The following PREX1 variants were observed in gnomAD, a reference collection of about 807,000 sequenced individuals.
PREX1 encodes phosphatidylinositol-3,4,5-trisphosphate dependent Rac exchange factor 1.
In PREX1, 41 loss-of-function variants were observed where a neutral mutation model predicts 198.3. The observed-to-expected ratio is 0.21, with a 90% CI of 0.16 to 0.27. The LOEUF is 0.27. Ranked by LOEUF, PREX1 falls within the 10% of genes least tolerant of loss-of-function variation. The pLI is 1.00. For synonymous variants in PREX1, 843 were observed against 887.2 expected, an observed-to-expected ratio of 0.95 and a Z score of 0.89; for missense variants, 1,620 against 2,200.7, an observed-to-expected ratio of 0.74 and a Z score of 5.28.
intron 1 of PREX1, among the ~76,000 whole-genome samples, chr20:48,790,095 C>T (rs891760157): frequency 2.0e-5 from 3 of 152,152 alleles, no homozygotes; most frequent in African/African-American, 7.2e-5. Context: ...AGCCTTTCCT[C>T]GCTGAGGAAC....
intron 1 of PREX1, among the ~76,000 whole-genome samples, chr20:48,805,270 G>C (rs2090406746): frequency 6.6e-6 from 1 of 152,212 alleles, no homozygotes; most frequent in South Asian, 2.1e-4. Flanking sequence ...GGTAGGGCAG[G>C]AATTAGCATT....
At chr20:48,648,078 T>C (rs1324428516) in intron 25 of PREX1, among the ~76,000 whole-genome samples, 1 of 149,778 alleles carries the variant, frequency 6.7e-6, no homozygotes, top group Non-Finnish European at 1.5e-5. Context: ...AATTTTAGGA[T>C]TTTTTTTTTA....
chr20:48,755,253 C>G (rs2090151586), intron 1 of PREX1, among the ~76,000 whole-genome samples: 1 of 152,286 alleles, frequency 6.6e-6, no homozygotes, highest in Admixed American at 6.5e-5. Flanking sequence ...TAAATTCTCT[C>G]TCCCTAGGCA....
intron 19 of PREX1, 149 bp from the exon 20 acceptor site, chr20:48,653,646 T>C: frequency 1.1e-6 from 1 of 950,366 alleles, no homozygotes; most frequent in East Asian, 2.6e-5. Context: ...CCTCTGACAC[T>C]CCAGTGCAAA....
intron 1 of PREX1, among the ~76,000 whole-genome samples, chr20:48,774,757 C>T (rs1601128111): frequency 6.6e-6 from 1 of 152,276 alleles, no homozygotes; most frequent in Non-Finnish European, 1.5e-5. Flanking sequence ...GCTGAAACCA[C>T]TGGCTGAGGC....
At chr20:48,837,764 CTG>C in the PREX1 span, among the ~76,000 whole-genome samples, 22 of 152,036 alleles carry the variant, frequency 1.4e-4, no homozygotes, top group East Asian at 3.7e-3. Context: ...CAACACACCC[CTG>C]TGACACAAGT....
Position 48,657,154 on chromosome 20 carries a change from G to A in PREX1, c.2009C>T (p.Ser670Phe). 1.2e-6 allele frequency: 2 copies of A among 1,613,660 alleles called. No homozygotes were observed. Among genetic ancestry groups the A allele is most frequent in the Non-Finnish European group, 1.7e-6 (2 of 1,179,854 alleles). Residue 670 changes from serine (S) to phenylalanine (F), a missense_variant, in exon 18 of 40, where the codon TCC becomes TTC. By Grantham distance (155) the Ser-to-Phe change is radical (BLOSUM62 -2). Transcript: ENST00000371941. Reference protein sequence around the residue: ...AGLQVGRKIYSINEDLVFLRP... With the variant: ...AGLQVGRKIYFINEDLVFLRP... ...CAGGAACACCAGGTCCTCATTGATGGAGTAGATCTTCCTCCCCACCTGCAG... is the reference window on the plus strand; with the variant it reads ...CAGGAACACCAGGTCCTCATTGATGAAGTAGATCTTCCTCCCCACCTGCAG...
At position 48,637,713 on chromosome 20, in the gene PREX1, G is replaced by C; in HGVS notation, c.3944C>G (p.Thr1315Arg). ...NQLLLALLKC[T>R]DTELQLRRDA... ...CCACACACCTTTAAAGGCCTCACCTGTGCACTTCAGCAAGGCCAGGAGCAG... is the reference window on the plus strand; with the variant it reads ...CCACACACCTTTAAAGGCCTCACCTCTGCACTTCAGCAAGGCCAGGAGCAG... The change falls in exon 31 of 40, where the codon ACA becomes AGA. Residue 1315 changes from threonine (T) to arginine (R), a missense_variant and splice_region_variant. By Grantham distance (71) the Thr-to-Arg change is moderately conservative. Coordinates refer to ENST00000371941, the MANE Select transcript of PREX1 (RefSeq NM_020820.4). 6.2e-7 allele frequency: 1 copy of C among 1,611,096 alleles called. No individual in the cohort carries two copies. Among genetic ancestry groups the C allele is most frequent in the Non-Finnish European group, 8.5e-7 (1 of 1,178,946 alleles).
At position 48,708,919 on chromosome 20, in the gene PREX1, C is replaced by A. The variant is rs2089916934; in HGVS notation, c.622-498G>T. On this transcript the variant is annotated intron_variant, in intron 5 of 39. Coordinates refer to ENST00000371941, the MANE Select transcript of PREX1 (RefSeq NM_020820.4). ...GGCCCCAACACTGCTCCTCCCCAGG[C>A]CCGGTTTTCTTATCATAAGATGGGC... 2.0e-5 allele frequency among the ~76,000 whole-genome samples: 3 copies of A among 152,132 alleles called. No individual in the cohort carries two copies. In the South Asian group the frequency reaches 6.2e-4, roughly 32 times the overall value.
intron 2 of PREX1, among the ~76,000 whole-genome samples, chr20:48,747,586 G>A (rs889948935): frequency 3.9e-5 from 6 of 152,216 alleles, no homozygotes; most frequent in East Asian, 1.9e-4. Context: ...TGGGGCCCGG[G>A]GCTAAAAATT....
Position 48,653,439 on chromosome 20 carries a change from G to A in PREX1, c.2268C>T (p.Gly756=). ...CAGQCILKVN[G]SNVMNDGAPE... ...GGGCACCATCGTTCATCACGTTGCT[G>A]CCATTGACCTTCAGAATGCACTGAC... Residue 756 remains glycine, a synonymous_variant, in exon 20 of 40, where the codon GGC becomes GGT. Transcript: ENST00000371941. 1.2e-6 allele frequency: 2 copies of A among 1,613,844 alleles called. No homozygotes were observed. The highest frequency in any genetic ancestry group is 1.6e-4 in the Middle Eastern group (1 of 6,062).
chr20:48,802,184 G>A (rs2090390433), intron 1 of PREX1, among the ~76,000 whole-genome samples: 1 of 151,808 alleles, frequency 6.6e-6, no homozygotes, highest in South Asian at 2.1e-4. Flanking sequence ...TAGCCAGGTA[G>A]CCAGAGGGGT....
At chr20:48,768,926 T>C (rs1219798635) in intron 1 of PREX1, among the ~76,000 whole-genome samples, 1 of 152,020 alleles carries the variant, frequency 6.6e-6, no homozygotes, top group Non-Finnish European at 1.5e-5. Flanking sequence ...TGTCTGTAAT[T>C]ATCCTGCAAC....
intron 1 of PREX1, chr20:48,821,644 T>TA (rs11476515): frequency 6.6e-6 from 1 of 152,212 alleles, no homozygotes; most frequent in Non-Finnish European, 1.5e-5. Flanking sequence ...TTCAAACACT[T>TA]AAACTCTTGC....
At chr20:48,877,244 C>T in the PREX1 span, among the ~76,000 whole-genome samples, 1 of 150,516 alleles carries the variant, frequency 6.6e-6, no homozygotes, top group Non-Finnish European at 1.5e-5. Flanking sequence ...GCACTCCAGC[C>T]TGGTCAACAA....
chr20:48,736,158 A>G (rs2090056318), intron 3 of PREX1, among the ~76,000 whole-genome samples: 1 of 152,188 alleles, frequency 6.6e-6, no homozygotes, highest in Non-Finnish European at 1.5e-5. Context: ...ATACTTCACA[A>G]TACTTCAATA....
At chr20:48,860,535 G>A in the PREX1 span, among the ~76,000 whole-genome samples, 59 of 152,300 alleles carry the variant, frequency 3.9e-4, no homozygotes, top group Admixed American at 6.5e-4. Flanking sequence ...TATGTTATGC[G>A]TATTTTACCA....
intron 1 of PREX1, among the ~76,000 whole-genome samples, chr20:48,810,285 TAA>T (rs1040049610): frequency 7.0e-6 from 1 of 142,896 alleles, no homozygotes; most frequent in Admixed American, 7.0e-5. Context: ...ATTCTACAAT[TAA>T]AAAAAAAAAA....
Position 48,630,784 on chromosome 20 carries a change from G to T in PREX1, c.4537C>A (p.Leu1513Met). 1 of 1,583,740 alleles carries T rather than the reference G, an allele frequency of 6.3e-7. No individual in the cohort carries two copies. Among genetic ancestry groups the T allele is most frequent in the African/African-American group, 1.3e-5 (1 of 74,316 alleles). Residue 1513 changes from leucine (L) to methionine (M), a missense_variant, in exon 36 of 40, where the codon CTG (leucine) becomes ATG (methionine). Coordinates refer to ENST00000371941, the MANE Select transcript of PREX1 (RefSeq NM_020820.4). ...TCCGTGGGCAGGTTAGACCGCTCCAGGTAAAATGCCCTGCGAGAGAAAGAT... is the reference window on the plus strand; with the variant it reads ...TCCGTGGGCAGGTTAGACCGCTCCATGTAAAATGCCCTGCGAGAGAAAGAT... ...QYYRKLRAFY[L>M]ERSNLPTDAS...
Sources: allele counts gnomAD v4.1 joint callset (sites outside exome capture counted in the v4.1 genomes callset), GRCh38; gene constraint gnomAD v4.1.1; transcripts MANE v1.5; gene names NCBI Gene and HGNC (gene_info 2026-07-23, HGNC 2026-07-21).